MPHOSPH10: variants seen among roughly 807,000 people sequenced by gnomAD.
The protein encoded by MPHOSPH10 is M-phase phosphoprotein 10, also known as U3 small nucleolar ribonucleoprotein MPP10.
MPHOSPH10 carries 33 observed loss-of-function variants against 77.3 expected under a neutral mutation model. That is an observed-to-expected ratio of 0.43 (90% CI 0.32 to 0.57). The LOEUF (loss-of-function observed/expected upper bound fraction) is 0.57, where lower values mean the gene tolerates loss of function less well. Ranked by LOEUF, MPHOSPH10 falls within the 20% of genes least tolerant of loss-of-function variation. The pLI, the probability that MPHOSPH10 is intolerant of heterozygous loss-of-function variation, is 0.07. For missense variants in MPHOSPH10, 708 were observed against 780.1 expected, an observed-to-expected ratio of 0.91 and a Z score of 1.10; for synonymous variants, 245 against 268.0, an observed-to-expected ratio of 0.91 and a Z score of 0.84.
chr2:71,131,193 T>C (rs977886067), intron 1 of MPHOSPH10, among the ~76,000 whole-genome samples: 1 of 152,182 alleles, frequency 6.6e-6, no homozygotes, highest in African/African-American at 2.4e-5. Flanking sequence ...ACACAAGCGT[T>C]TTATATGTAT....
At chr2:71,148,379 C>G (rs1673757069) in intron 9 of MPHOSPH10, 2 of 291,316 alleles carry the variant, frequency 6.9e-6, no homozygotes, top group Non-Finnish European at 1.3e-5. Flanking sequence ...AATCTGAATA[C>G]TAGCAGTGAT....
chr2:71,145,723 G>T lies in MPHOSPH10; in HGVS notation c.1557+1185G>T, dbSNP rs541056980. ...GGGCCTTTCTGGGCCTTACCTGTGT[G>T]ATCTGGCTCTTCCCACCCCTTTGGT... On this transcript the variant is annotated intron_variant, in intron 8 of 10. Transcript: ENST00000244230. 3.3e-5 allele frequency among the ~76,000 whole-genome samples: 5 copies of T among 152,238 alleles called. No individual in the cohort carries two copies. The East Asian group carries it at 9.7e-4, about 29-fold the overall frequency.
At chr2:71,131,042 C>A (rs1361037848) in intron 1 of MPHOSPH10, among the ~76,000 whole-genome samples, 1 of 152,214 alleles carries the variant, frequency 6.6e-6, no homozygotes, top group Non-Finnish European at 1.5e-5. Flanking sequence ...TACACACAGA[C>A]TGTTGGTTTC....
At position 71,132,432 on chromosome 2, in the gene MPHOSPH10, A is replaced by G. The variant is rs145736734; in HGVS notation, c.90-466A>G. On this transcript the variant is annotated intron_variant, in intron 1 of 10. Coordinates refer to ENST00000244230, the MANE Select transcript of MPHOSPH10 (RefSeq NM_005791.3). The stretch of plus-strand genomic sequence containing the variant: ...TCAAGCTCACCTCTAGAGGATTTGC[A>G]TCTTAGAGGATTTCTTCTGCCTGGA... Among the ~76,000 whole-genome samples the G allele has an allele frequency of 1.9e-3, 289 of 152,224 alleles. 1 individual carries two copies. The highest frequency in any genetic ancestry group is 3.1e-3 in the Non-Finnish European group (208 of 68,020).
chr2:71,133,863 A>ATAC, intron 2 of MPHOSPH10, 85 bp from the exon 3 acceptor site: 1 of 992,600 alleles, frequency 1.0e-6, no homozygotes, highest in Non-Finnish European at 1.4e-6. Flanking sequence ...TAATATATAC[A>ATAC]TACAATATAC....
intron 7 of MPHOSPH10, 50 bp downstream of exon 7, chr2:71,141,419 G>A: frequency 2.9e-6 from 4 of 1,389,480 alleles, no homozygotes; most frequent in Non-Finnish European, 3.8e-6. Context: ...AATAGAAGTA[G>A]AGAACTAGGC....
chr2:71,144,655 A>AT, intron 8 of MPHOSPH10, 117 bp downstream of exon 8: 1 of 769,514 alleles, frequency 1.3e-6, no homozygotes. Flanking sequence ...TTTGCTGTAA[A>AT]TTCCAGGCAG....
intron 5 of MPHOSPH10, 172 bp downstream of exon 5, chr2:71,138,803 G>A (rs1319917403): frequency 1.1e-6 from 1 of 876,460 alleles, no homozygotes; most frequent in Admixed American, 2.0e-5. Context: ...GGGAGGCCGA[G>A]GCAGACGGAT....
intron 8 of MPHOSPH10, 42 bp from the exon 9 acceptor site, chr2:71,147,957 G>T (rs781567498): frequency 2.7e-6 from 4 of 1,478,932 alleles, no homozygotes; most frequent in Non-Finnish European, 2.8e-6. Flanking sequence ...TTGTGTTAGA[G>T]TCCCTTCTGG....
At chr2:71,149,597 C>G (rs1309263858) in intron 10 of MPHOSPH10, 144 bp downstream of exon 10, 1 of 827,022 alleles carries the variant, frequency 1.2e-6, no homozygotes, top group Non-Finnish European at 1.9e-6. Flanking sequence ...GGAATCGCAA[C>G]CTTTAATGTT....
chr2:71,132,295 T>C (rs1043812382), intron 1 of MPHOSPH10, among the ~76,000 whole-genome samples: 6 of 152,206 alleles, frequency 3.9e-5, no homozygotes, highest in Non-Finnish European at 7.3e-5. Flanking sequence ...CTCTTTACAC[T>C]TTAAATGACA....
chr2:71,145,490 GT>G (rs1205389905), intron 8 of MPHOSPH10, among the ~76,000 whole-genome samples: 2 of 137,514 alleles, frequency 1.5e-5, no homozygotes, highest in Admixed American at 7.9e-5. Context: ...TAACCTGGTT[GT>G]TTTTTTTTGT....
At position 71,149,404 on chromosome 2, in the gene MPHOSPH10, C is replaced by T. The variant is rs917979247; in HGVS notation, c.1847C>T (p.Ser616Leu). Residue 616 changes from serine to leucine, a missense_variant, in exon 10 of 11, where the codon TCG becomes TTG. Physicochemically the swap from Ser to Leu is moderately radical, Grantham distance 145. Around this residue, in one of 3 missense-constraint regions of MPHOSPH10, gnomAD observed 263 missense variants for 320.0 expected, o/e 0.82. Transcript: ENST00000244230. The stretch of plus-strand genomic sequence containing the variant: ...GGGAAATACAGCAAAACAGTAGCTT[C>T]GGAGAAGTTAAAACAGCTGACCAAA... ...QAGKYSKTVASEKLKQLTKTG... is the reference protein window; with the variant it reads ...QAGKYSKTVALEKLKQLTKTG... 5.0e-6 allele frequency: 8 copies of T among 1,613,902 alleles called. No homozygotes were observed. Among genetic ancestry groups the T allele is most frequent in the South Asian group, 1.1e-5 (1 of 91,056 alleles).
Position 71,141,294 on chromosome 2 carries a change from T to C in MPHOSPH10, c.1371T>C (p.Arg457=). ...PKEDAYEYKK[R]LTLDHEKSKL... Reference sequence around the variant, plus strand: ...AGGATGCATATGAATATAAAAAGCGTTTAACCTTAGACCATGAGAAGAGTA... The same window carrying C: ...AGGATGCATATGAATATAAAAAGCGCTTAACCTTAGACCATGAGAAGAGTA... Residue 457 remains arginine, a synonymous_variant, in exon 7 of 11, where the codon CGT becomes CGC. Transcript: ENST00000244230. 6.4e-7 allele frequency: 1 copy of C among 1,568,716 alleles called. No homozygotes were observed. The highest frequency in any genetic ancestry group is 1.9e-5 in the Admixed American group (1 of 53,728).
At chr2:71,133,919 TAATA>T (rs1673436371) in intron 2 of MPHOSPH10, 25 bp from the exon 3 acceptor site, 4 of 1,403,734 alleles carry the variant, frequency 2.8e-6, no homozygotes. Flanking sequence ...TATCCCTAAT[TAATA>T]GTTTTTAATA....
chr2:71,141,146 T>C, intron 6 of MPHOSPH10, 86 bp from the exon 7 acceptor site: 1 of 696,294 alleles, frequency 1.4e-6, no homozygotes, highest in Non-Finnish European at 1.9e-6. Flanking sequence ...ATATTTATTA[T>C]AATAATATTC....
In MPHOSPH10 at chr2:71,132,752, G is replaced by A. The variant is rs1291762303; in HGVS notation, c.90-146G>A. 8 of 1,073,876 alleles carry A rather than the reference G, an allele frequency of 7.4e-6. No homozygotes were observed. The South Asian group carries it at 9.0e-5, about 12-fold the overall frequency. The allele number at this position is 1,073,876 out of a possible 1,614,324, so 66.5% of individuals were successfully genotyped here. On this transcript the variant is annotated intron_variant, in intron 1 of 10. Transcript: ENST00000244230. ...TTTTATATATCAGTGTAGCTCATCAGCTTATATGTTGTTGGGGGCCAGAAT... is the reference window on the plus strand; with the variant it reads ...TTTTATATATCAGTGTAGCTCATCAACTTATATGTTGTTGGGGGCCAGAAT...
Position 71,133,202 on chromosome 2 carries a change from G to T in MPHOSPH10, c.394G>T (p.Asp132Tyr). 1.9e-6 allele frequency: 3 copies of T among 1,614,160 alleles called. No homozygotes were observed. The highest frequency in any genetic ancestry group is 2.5e-6 in the Non-Finnish European group (3 of 1,180,018). The change falls in exon 2 of 11, where the codon GAT becomes TAT. Residue 132 changes from aspartate to tyrosine, a missense_variant. Physicochemically the swap from Asp to Tyr is radical, Grantham distance 160 (BLOSUM62 -3). Transcript: ENST00000244230. Reference protein sequence around the residue: ...IEADDKEDLEDLEEEEVSDMG... With the variant: ...IEADDKEDLEYLEEEEVSDMG... The stretch of plus-strand genomic sequence containing the variant: ...GGCTGATGACAAGGAGGACCTAGAA[G>T]ATTTAGAGGAGGAGGAAGTGTCCGA...
chr2:71,149,373 C>A lies in MPHOSPH10; in HGVS notation c.1816C>A (p.Gln606Lys), dbSNP rs765762366. The A allele has an allele frequency of 6.2e-7, 1 of 1,613,928 alleles. No homozygotes were observed. Among genetic ancestry groups the A allele is most frequent in the East Asian group, 2.2e-5 (1 of 44,896 alleles). The change falls in exon 10 of 11, where the codon CAA (glutamine) becomes AAA (lysine). Residue 606 changes from glutamine (Q) to lysine (K), a missense_variant. Physicochemically the swap from Gln to Lys is moderately conservative, Grantham distance 53. Coordinates refer to ENST00000244230, the MANE Select transcript of MPHOSPH10 (RefSeq NM_005791.3). ...RKLLEKSSVD[Q>K]AGKYSKTVAS... Reference sequence around the variant, plus strand: ...ACTGCTTGAAAAGAGCAGTGTAGATCAAGCAGGGAAATACAGCAAAACAGT... The same window carrying A: ...ACTGCTTGAAAAGAGCAGTGTAGATAAAGCAGGGAAATACAGCAAAACAGT...
Sources: allele counts gnomAD v4.1 joint callset (sites outside exome capture counted in the v4.1 genomes callset), GRCh38; gene constraint gnomAD v4.1.1; regional missense constraint gnomAD v4.1.1; transcripts MANE v1.5; gene names NCBI Gene and HGNC (gene_info 2026-07-23, HGNC 2026-07-21).